Variants in E2F5 observed in about 807,000 individuals in gnomAD.
The protein encoded by E2F5 is transcription factor E2F5.
E2F5 carries 23 observed loss-of-function variants against 39.1 expected under a neutral mutation model. That is an observed-to-expected ratio of 0.59 (90% CI 0.42 to 0.83). The LOEUF is 0.83. Ranked by LOEUF, E2F5 falls within the 40% of genes least tolerant of loss-of-function variation. The pLI, the probability that E2F5 is intolerant of heterozygous loss-of-function variation, is 0.00. For missense variants in E2F5, 365 were observed against 406.7 expected, an observed-to-expected ratio of 0.90 and a Z score of 0.88; for synonymous variants, 145 against 157.8, an observed-to-expected ratio of 0.92 and a Z score of 0.61.
chr8:85,188,023 CA>C (rs2136044262), intron 1 of E2F5, among the ~76,000 whole-genome samples: 1 of 152,172 alleles, frequency 6.6e-6, no homozygotes, highest in South Asian at 2.1e-4. Context: ...AGTTTGATCG[CA>C]AAAACAAACA....
At chr8:85,195,385 A>C (rs1300343575) in intron 1 of E2F5, among the ~76,000 whole-genome samples, 1 of 152,216 alleles carries the variant, frequency 6.6e-6, no homozygotes, top group Admixed American at 6.5e-5. Flanking sequence ...TCTGTCTCAA[A>C]AAAAAGAAAA....
chr8:85,210,044 T>TAG (rs1404520577), intron 6 of E2F5, among the ~76,000 whole-genome samples: 1 of 152,140 alleles, frequency 6.6e-6, no homozygotes, highest in Non-Finnish European at 1.5e-5. Flanking sequence ...GTATCAGGAG[T>TAG]AGAGAGCACA....
Position 85,177,328 on chromosome 8 carries a change from G to A in E2F5, c.-93G>A. The A allele has an allele frequency of 1.1e-6, 1 of 949,858 alleles. No individual in the cohort carries two copies. Among genetic ancestry groups the A allele is most frequent in the Non-Finnish European group, 1.3e-6 (1 of 797,580 alleles). The allele number at this position is 949,858 out of a possible 1,614,324, so 58.8% of individuals were successfully genotyped here. On this transcript the variant is annotated 5_prime_UTR_variant, in exon 1 of 8. Coordinates refer to ENST00000416274, the MANE Select transcript of E2F5 (RefSeq NM_001951.4). Reference sequence around the variant, plus strand: ...ACTACCGCTCTCGGCGGGCGGGGAAGCGGCCGCAGCGGAGCCGACCCGGCA... The same window carrying A: ...ACTACCGCTCTCGGCGGGCGGGGAAACGGCCGCAGCGGAGCCGACCCGGCA...
At chr8:85,203,448 T>C (rs2129725919) in intron 3 of E2F5, among the ~76,000 whole-genome samples, 193 bp downstream of exon 3, 1 of 152,222 alleles carries the variant, frequency 6.6e-6, no homozygotes. Flanking sequence ...ATAGTACAGA[T>C]CCGTTAGCGT....
intron 4 of E2F5, 89 bp from the exon 5 acceptor site, chr8:85,207,336 A>G (rs1812820114): frequency 1.7e-6 from 2 of 1,167,568 alleles, no homozygotes; most frequent in Non-Finnish European, 2.4e-6. Flanking sequence ...GATTGAACCA[A>G]ACACTCTGAT....
intron 1 of E2F5, among the ~76,000 whole-genome samples, chr8:85,187,098 T>G (rs1812359999): frequency 6.6e-6 from 1 of 152,074 alleles, no homozygotes; most frequent in South Asian, 2.1e-4. Flanking sequence ...AAGAGCATGT[T>G]TTTTGTTTTT....
At position 85,211,567 on chromosome 8, in the gene E2F5, G is replaced by A. The variant is rs953256006; in HGVS notation, c.884-590G>A. Reference sequence around the variant, plus strand: ...AAAGTGATGTTGAAGTTTTAAGGTTGAATAACTGGGAGAATTATGAAACTA... The same window carrying A: ...AAAGTGATGTTGAAGTTTTAAGGTTAAATAACTGGGAGAATTATGAAACTA... On this transcript the variant is annotated intron_variant, in intron 6 of 7. Transcript: ENST00000416274. 2.0e-5 allele frequency among the ~76,000 whole-genome samples: 3 copies of A among 149,040 alleles called. No individual in the cohort carries two copies. The South Asian group carries it at 6.4e-4, about 32-fold the overall frequency.
chr8:85,210,472 G>T (rs573808881), intron 6 of E2F5, among the ~76,000 whole-genome samples: 1 of 152,100 alleles, frequency 6.6e-6, no homozygotes, highest in Non-Finnish European at 1.5e-5. Flanking sequence ...GAGGTCAGGG[G>T]TTCGAGACCA....
Position 85,177,555 on chromosome 8 carries a change from G to GGGC in E2F5, c.139_141dup (p.Gly47dup). 1 of 1,253,518 alleles carries GGGC rather than the reference G, an allele frequency of 8.0e-7. No homozygotes were observed. Among genetic ancestry groups the GGGC allele is most frequent in the East Asian group, 3.0e-5 (1 of 32,842 alleles). The allele number at this position is 1,253,518 out of a possible 1,614,324, so 77.6% of individuals were successfully genotyped here. A position where few individuals can be genotyped will look rare whatever the true frequency, so the allele number is the denominator to read the frequency against. On this transcript the variant is annotated inframe_insertion, in exon 1 of 8. Transcript: ENST00000416274. Reference sequence around the variant, plus strand: ...CGCCGCCGCAGCTCGGGGGCGCCGGGGGCGGCAGCAGCAGGCACGAGAAGA... The same window carrying GGGC: ...CGCCGCCGCAGCTCGGGGGCGCCGGGGGCGGCGGCAGCAGCAGGCACGAGAAGA...
intron 6 of E2F5, among the ~76,000 whole-genome samples, chr8:85,210,837 G>A (rs771420353): frequency 7.2e-5 from 11 of 152,104 alleles, no homozygotes; most frequent in Non-Finnish European, 1.3e-4. Flanking sequence ...TGTTTTTATG[G>A]TTTCATGTTT....
intron 7 of E2F5, 93 bp from the exon 8 acceptor site, chr8:85,213,660 A>C: frequency 1.5e-6 from 1 of 651,056 alleles, no homozygotes. Context: ...ACAAGACTTT[A>C]ATTTGGAATG....
chr8:85,214,001 C>CTTTA lies in E2F5; in HGVS notation c.*140_*143dup. ...CTGAAGTGTTCTTCCCTAATACTTT[C>CTTTA]TTTACTTCACAAAACTTCAACCATA... On this transcript the variant is annotated 3_prime_UTR_variant, in exon 8 of 8. Coordinates refer to ENST00000416274, the MANE Select transcript of E2F5 (RefSeq NM_001951.4). 1 of 614,240 alleles carries CTTTA rather than the reference C, an allele frequency of 1.6e-6. No homozygotes were observed. Among genetic ancestry groups the CTTTA allele is most frequent in the Non-Finnish European group, 2.8e-6 (1 of 352,118 alleles). 38.0% of individuals were successfully genotyped at this position (614,240 alleles called of 1,614,324 possible).
chr8:85,183,021 G>T (rs1246295081), intron 1 of E2F5, among the ~76,000 whole-genome samples: 2 of 152,304 alleles, frequency 1.3e-5, no homozygotes, highest in East Asian at 3.9e-4. Context: ...GGAGGCCGAG[G>T]CGGGCAGATC....
At chr8:85,191,146 C>T (rs955574036) in intron 1 of E2F5, among the ~76,000 whole-genome samples, 5 of 152,006 alleles carry the variant, frequency 3.3e-5, no homozygotes, top group Admixed American at 2.6e-4. Context: ...GAAATCCTGT[C>T]AGTTTTTGAC....
chr8:85,177,737 G>A, intron 1 of E2F5, 83 bp downstream of exon 1: 1 of 1,157,868 alleles, frequency 8.6e-7, no homozygotes, highest in Non-Finnish European at 1.1e-6. Flanking sequence ...CGTGGGTCTA[G>A]CGGCGTGGTG....
chr8:85,184,030 A>G (rs1162999410), intron 1 of E2F5, among the ~76,000 whole-genome samples: 2 of 152,208 alleles, frequency 1.3e-5, no homozygotes, highest in Non-Finnish European at 2.9e-5. Context: ...TCTGTAAGCC[A>G]AGGAGCGAGG....
At chr8:85,189,510 T>C (rs80216675) in intron 1 of E2F5, among the ~76,000 whole-genome samples, 1 of 152,068 alleles carries the variant, frequency 6.6e-6, no homozygotes, top group Admixed American at 6.6e-5. Context: ...GCTGGAATTA[T>C]AGGTGTGAAC....
intron 1 of E2F5, among the ~76,000 whole-genome samples, chr8:85,187,162 C>T (rs1038765651): frequency 6.6e-6 from 1 of 151,890 alleles, no homozygotes; most frequent in Admixed American, 6.6e-5. Context: ...ATGATTTTGT[C>T]AGAAAAGATA....
rs975263455 is a variant in E2F5 at position 85,209,403 on chromosome 8, T to A, written c.877T>A (p.Ser293Thr). Reference protein sequence around the residue: ...ALQQTSATDISSAGSISGDII... With the variant: ...ALQQTSATDITSAGSISGDII... Reference sequence around the variant, plus strand: ...GCAGCAGACATCAGCTACAGATATATCTTCAGGTGGGTTCAGAGCCTTTCT... The same window carrying A: ...GCAGCAGACATCAGCTACAGATATAACTTCAGGTGGGTTCAGAGCCTTTCT... Residue 293 changes from serine to threonine, a missense_variant, in exon 6 of 8, where the codon TCT (serine) becomes ACT (threonine). By Grantham distance (58) the Ser-to-Thr change is moderately conservative. Coordinates refer to ENST00000416274, the MANE Select transcript of E2F5 (RefSeq NM_001951.4). The A allele has an allele frequency of 6.2e-7, 1 of 1,606,970 alleles. No homozygotes were observed. The highest frequency in any genetic ancestry group is 1.7e-5 in the Admixed American group (1 of 58,638).
Sources: gnomAD v4.1 joint callset for allele counts (sites outside exome capture counted in the v4.1 genomes callset) on GRCh38, gnomAD v4.1.1 for gene constraint, MANE v1.5 for transcripts, NCBI Gene and HGNC (gene_info 2026-07-23, HGNC 2026-07-21) for gene names.